Variants in ADAM10 observed in about 807,000 individuals in gnomAD.
ADAM10 encodes the protein ADAM metallopeptidase domain 10, also known as disintegrin and metalloproteinase domain-containing protein 10.
ADAM10 carries 17 observed loss-of-function variants against 90.1 expected under a neutral mutation model. That is an observed-to-expected ratio of 0.19 (90% CI 0.13 to 0.28). The LOEUF (loss-of-function observed/expected upper bound fraction) is 0.28, where lower values mean the gene tolerates loss of function less well. Among genes scored for constraint, ADAM10 ranks in the 10% least tolerant of loss-of-function variants. The probability of loss-of-function intolerance (pLI) is 1.00; values close to 1 mark genes in which losing one functional copy is unlikely to be tolerated. For missense variants in ADAM10, 610 were observed against 914.3 expected (o/e 0.67, Z 4.29); for synonymous variants, 310 against 298.6 (o/e 1.04, Z -0.40).
rs1317634821 is a variant in ADAM10, at chr15:58,594,100, C to T, written c.*3447G>A. On this transcript the variant is annotated 3_prime_UTR_variant, in exon 16 of 16. Transcript: ENST00000260408. Reference sequence around the variant, plus strand: ...AGTGGTTTTGGGGAAACTAAAATTTCTTACAACTTTAGTGACTTCTCTAAA... The same window carrying T: ...AGTGGTTTTGGGGAAACTAAAATTTTTTACAACTTTAGTGACTTCTCTAAA... 6.6e-6 allele frequency: 1 copy of T among 152,194 alleles called. No homozygotes were observed. Among genetic ancestry groups the T allele is most frequent in the African/African-American group, 2.4e-5 (1 of 41,450 alleles). The allele number at this position is 152,194 out of a possible 1,614,324, so 9.4% of individuals were successfully genotyped here. A position where few individuals can be genotyped will look rare whatever the true frequency, so the allele number is the denominator to read the frequency against.
At chr15:58,712,595 G>A (rs796203768) in intron 2 of ADAM10, among the ~76,000 whole-genome samples, 29 of 151,872 alleles carry the variant, frequency 1.9e-4, no homozygotes, top group African/African-American at 6.8e-4. Flanking sequence ...CAAGGTGGGC[G>A]GATCATGAGG....
intron 2 of ADAM10, among the ~76,000 whole-genome samples, chr15:58,688,870 A>G (rs1240740436): frequency 6.7e-6 from 1 of 149,484 alleles, no homozygotes; most frequent in Non-Finnish European, 1.5e-5. Flanking sequence ...AGGGTAACAA[A>G]AACTATCTAA....
At chr15:58,698,331 G>C (rs1475410100) in intron 2 of ADAM10, 1 of 439,480 alleles carries the variant, frequency 2.3e-6, no homozygotes, top group South Asian at 1.6e-5. Flanking sequence ...CAGCACTGTG[G>C]GAGGCTGAGG....
chr15:58,632,744 T>C (rs1896137526), intron 9 of ADAM10, among the ~76,000 whole-genome samples: 2 of 152,156 alleles, frequency 1.3e-5, no homozygotes, highest in South Asian at 4.1e-4. Context: ...TCAATCTCAT[T>C]CCACAGTAGA....
intron 5 of ADAM10, among the ~76,000 whole-genome samples, chr15:58,658,936 CT>C (rs1296733418): frequency 1.3e-4 from 20 of 151,778 alleles, no homozygotes; most frequent in African/African-American, 4.8e-4. Flanking sequence ...TTTTTCTTGC[CT>C]TATTATGGTG....
At chr15:58,701,930 A>G (rs1898145481) in intron 2 of ADAM10, among the ~76,000 whole-genome samples, 2 of 151,784 alleles carry the variant, frequency 1.3e-5, no homozygotes, top group Admixed American at 1.3e-4. Flanking sequence ...ACACAGCAAA[A>G]CCCCATCTCT....
intron 2 of ADAM10, among the ~76,000 whole-genome samples, chr15:58,706,740 G>T (rs1476615541): frequency 6.6e-6 from 1 of 152,166 alleles, no homozygotes; most frequent in Non-Finnish European, 1.5e-5. Context: ...GCCAGGTACG[G>T]TGGCTCATGC....
chr15:58,715,350 G>A (rs1595649573), intron 2 of ADAM10, among the ~76,000 whole-genome samples: 1 of 151,474 alleles, frequency 6.6e-6, no homozygotes. Context: ...TGAACCCAGA[G>A]GTTGCAATAA....
At chr15:58,636,491 C>T (rs546905623) in intron 8 of ADAM10, among the ~76,000 whole-genome samples, 60 of 152,026 alleles carry the variant, frequency 3.9e-4, no homozygotes, top group African/African-American at 1.4e-3. Context: ...AACTCAATTG[C>T]TATATATTTT....
intron 2 of ADAM10, among the ~76,000 whole-genome samples, chr15:58,702,275 T>C (rs1382453168): frequency 6.6e-6 from 1 of 152,148 alleles, no homozygotes; most frequent in African/African-American, 2.4e-5. Flanking sequence ...AGCAGAATGA[T>C]AGATACCAGT....
intron 1 of ADAM10, among the ~76,000 whole-genome samples, chr15:58,728,631 T>A (rs1270545858): frequency 6.6e-6 from 1 of 152,054 alleles, no homozygotes; most frequent in Non-Finnish European, 1.5e-5. Flanking sequence ...GTGGTAGGTA[T>A]ATGGGTTTCT....
intron 2 of ADAM10, among the ~76,000 whole-genome samples, chr15:58,688,721 A>T (rs1351245699): frequency 6.8e-6 from 1 of 147,764 alleles, no homozygotes; most frequent in Non-Finnish European, 1.5e-5. Context: ...GAGGGGAGGA[A>T]ACTTCCAGAA....
At chr15:58,706,924 G>C (rs563671273) in intron 2 of ADAM10, among the ~76,000 whole-genome samples, 1 of 141,260 alleles carries the variant, frequency 7.1e-6, no homozygotes, top group South Asian at 2.3e-4. Context: ...CAGGAGAATC[G>C]CTTGAACCCA....
chr15:58,610,516 C>T lies in ADAM10; in HGVS notation c.1806G>A (p.Met602Ile). The T allele has an allele frequency of 1.9e-6, 3 of 1,613,778 alleles. No individual in the cohort carries two copies. The highest frequency in any genetic ancestry group is 2.5e-6 in the Non-Finnish European group (3 of 1,179,770). Reference sequence around the variant, plus strand: ...CTGTACTGGCACAAGTTGATGGGTCCACTGGAAAAGAAATGCCAAATATAA... The same window carrying T: ...CTGTACTGGCACAAGTTGATGGGTCTACTGGAAAAGAAATGCCAAATATAA... ...ELCHVCCMKK[M>I]DPSTCASTGS... Residue 602 changes from methionine (M) to isoleucine (I), a missense_variant and splice_region_variant, in exon 14 of 16, where the codon ATG (methionine) becomes ATA (isoleucine). Met to Ile is a conservative substitution (Grantham distance 10). This residue lies in a region of ADAM10 where 150 missense variants were observed against 268.5 expected (regional missense o/e 0.56). Coordinates refer to ENST00000260408, the MANE Select transcript of ADAM10 (RefSeq NM_001110.4).
intron 2 of ADAM10, among the ~76,000 whole-genome samples, chr15:58,684,487 G>A (rs1304550208): frequency 2.6e-5 from 4 of 152,302 alleles, no homozygotes; most frequent in East Asian, 1.9e-4. Context: ...TGAGGTGGGA[G>A]AGACAGGAGA....
intron 1 of ADAM10, among the ~76,000 whole-genome samples, chr15:58,722,414 C>T (rs2140824131): frequency 1.3e-5 from 2 of 151,658 alleles, no homozygotes; most frequent in Middle Eastern, 6.8e-3. Flanking sequence ...TGGCATGCAC[C>T]TGTAATCCAA....
chr15:58,614,833 G>A (rs112261887), intron 11 of ADAM10, among the ~76,000 whole-genome samples: 1,978 of 152,050 alleles, frequency 0.013, 54 homozygotes, highest in African/African-American at 0.045. Context: ...CACCAACACC[G>A]CCATTACCAC....
chr15:58,692,416 T>C (rs779886776), intron 2 of ADAM10: 1 of 562,592 alleles, frequency 1.8e-6, no homozygotes, highest in Non-Finnish European at 3.6e-6. Context: ...CTTCTTATTA[T>C]TCTTATCAGT....
chr15:58,718,079 T>C (rs1324879576), intron 1 of ADAM10, among the ~76,000 whole-genome samples: 2 of 152,040 alleles, frequency 1.3e-5, no homozygotes, highest in African/African-American at 4.8e-5. Flanking sequence ...GAAGGACTGC[T>C]TGAGGCCAGG....
Sources: gnomAD v4.1 joint callset for allele counts (sites outside exome capture counted in the v4.1 genomes callset) on GRCh38, gnomAD v4.1.1 for gene constraint, gnomAD v4.1.1 regional missense constraint, MANE v1.5 for transcripts, NCBI Gene and HGNC (gene_info 2026-07-23, HGNC 2026-07-21) for gene names.